Variants in DLC1 observed in about 807,000 individuals in gnomAD.
DLC1 encodes rho GTPase-activating protein 7.
Under a neutral mutation model 140.3 loss-of-function variants are expected in DLC1, and 54 were observed. The observed-to-expected ratio is 0.38, with a 90% CI of 0.31 to 0.48. The LOEUF (loss-of-function observed/expected upper bound fraction) is 0.48. DLC1 is among the 20% of genes least tolerant of loss of function. The pLI, the probability that DLC1 is intolerant of heterozygous loss-of-function variation, is 0.96. For missense variants in DLC1, 2,536 were observed against 1,907.0 expected (o/e 1.33, Z -6.14); for synonymous variants, 986 against 728.1 (o/e 1.35, Z -5.70).
chr8:13,593,023 T>C (rs999233041), intron 1 of DLC1, among the ~76,000 whole-genome samples: 6 of 152,130 alleles, frequency 3.9e-5, no homozygotes, highest in African/African-American at 1.4e-4. Flanking sequence ...TTAAGGAGTT[T>C]AGCTTTGGCG....
intron 2 of DLC1, among the ~76,000 whole-genome samples, chr8:13,421,263 A>G (rs1024194765): frequency 1.3e-5 from 2 of 152,112 alleles, no homozygotes; most frequent in African/African-American, 2.4e-5. Context: ...TGCATATATT[A>G]TCTCCTCAAG....
intron 5 of DLC1, among the ~76,000 whole-genome samples, chr8:13,192,316 G>A (rs1201369773): frequency 6.6e-6 from 1 of 152,014 alleles, no homozygotes; most frequent in Admixed American, 6.6e-5. Context: ...TGCAATTTTG[G>A]GTGATGCCCT....
chr8:13,428,203 C>A (rs1374178637), intron 2 of DLC1, among the ~76,000 whole-genome samples: 1 of 152,174 alleles, frequency 6.6e-6, no homozygotes, highest in Non-Finnish European at 1.5e-5. Flanking sequence ...GGTACCTTCA[C>A]TGGGTCCACA....
At chr8:13,171,642 C>T (rs1478246928) in intron 5 of DLC1, among the ~76,000 whole-genome samples, 4 of 152,212 alleles carry the variant, frequency 2.6e-5, no homozygotes, top group African/African-American at 9.6e-5. Context: ...CCCTCCTCGA[C>T]CTCCCAAAGT....
At chr8:13,398,242 G>C (rs911335253) in intron 3 of DLC1, among the ~76,000 whole-genome samples, 2 of 151,918 alleles carry the variant, frequency 1.3e-5, no homozygotes, top group South Asian at 2.1e-4. Context: ...GGATGAGCTA[G>C]AGCAATTCCA....
At chr8:13,263,744 A>G (rs1347326198) in intron 5 of DLC1, among the ~76,000 whole-genome samples, 3 of 151,580 alleles carry the variant, frequency 2.0e-5, no homozygotes, top group African/African-American at 7.2e-5. Context: ...CCACTTTTAC[A>G]GCATTTGAAA....
chr8:13,360,397 G>A (rs898067739), intron 4 of DLC1, among the ~76,000 whole-genome samples: 4 of 152,184 alleles, frequency 2.6e-5, no homozygotes, highest in African/African-American at 4.8e-5. Flanking sequence ...AGCCCCCCAC[G>A]AGATTATCAC....
intron 4 of DLC1, among the ~76,000 whole-genome samples, chr8:13,380,066 T>C (rs1420297113): frequency 6.6e-6 from 1 of 152,128 alleles, no homozygotes; most frequent in Non-Finnish European, 1.5e-5. Flanking sequence ...GCACCATTCA[T>C]TCCTTGTCAT....
intron 5 of DLC1, among the ~76,000 whole-genome samples, chr8:13,268,805 G>C (rs1361918532): frequency 6.6e-6 from 1 of 151,274 alleles, no homozygotes; most frequent in Non-Finnish European, 1.5e-5. Flanking sequence ...GTATCTTCAG[G>C]TAAATTTAAA....
intron 4 of DLC1, among the ~76,000 whole-genome samples, chr8:13,331,917 C>A (rs1326169093): frequency 6.6e-6 from 1 of 152,110 alleles, no homozygotes; most frequent in African/African-American, 2.4e-5. Context: ...TTCCTAGACG[C>A]TTTCTTGACA....
intron 1 of DLC1, among the ~76,000 whole-genome samples, chr8:13,549,676 G>T (rs555322811): frequency 6.6e-6 from 1 of 152,244 alleles, no homozygotes; most frequent in South Asian, 2.1e-4. Flanking sequence ...AGAACAGGTT[G>T]ATTGAAATAG....
At chr8:13,173,063 G>T (rs1167942495) in intron 5 of DLC1, among the ~76,000 whole-genome samples, 4 of 152,138 alleles carry the variant, frequency 2.6e-5, no homozygotes, top group Admixed American at 2.6e-4. Flanking sequence ...GAAATTTCTT[G>T]AATCAGAGTG....
At chr8:13,140,913 T>C (rs544983700) in intron 5 of DLC1, among the ~76,000 whole-genome samples, 16 of 152,254 alleles carry the variant, frequency 1.1e-4, no homozygotes, top group Middle Eastern at 3.4e-3. Context: ...TTTTTCTCTC[T>C]CCCCTAGTAT....
chr8:13,321,436 G>A (rs553363462), intron 4 of DLC1, among the ~76,000 whole-genome samples: 3 of 147,828 alleles, frequency 2.0e-5, no homozygotes, highest in Non-Finnish European at 4.5e-5. Flanking sequence ...TACTTGGGAG[G>A]CTGAGGCAGG....
At chr8:13,545,075 A>T (rs1191460955) in intron 1 of DLC1, among the ~76,000 whole-genome samples, 1 of 152,168 alleles carries the variant, frequency 6.6e-6, no homozygotes, top group Non-Finnish European at 1.5e-5. Flanking sequence ...ATAGGCACAT[A>T]GTAGGCATTT....
At chr8:13,444,581 T>TA (rs1169526313) in intron 2 of DLC1, among the ~76,000 whole-genome samples, 2 of 152,196 alleles carry the variant, frequency 1.3e-5, no homozygotes, top group African/African-American at 4.8e-5. Context: ...AGTATAATTT[T>TA]AAAAAATCTT....
At chr8:13,581,567 G>C (rs1340169701) in intron 1 of DLC1, among the ~76,000 whole-genome samples, 1 of 152,188 alleles carries the variant, frequency 6.6e-6, no homozygotes, top group African/African-American at 2.4e-5. Context: ...CCATTTAAAG[G>C]TCTTTATATC....
At chr8:13,211,940 A>T (rs986173022) in intron 5 of DLC1, among the ~76,000 whole-genome samples, 2 of 152,200 alleles carry the variant, frequency 1.3e-5, no homozygotes, top group African/African-American at 2.4e-5. Flanking sequence ...CACAACTCCT[A>T]TGTCAAATGT....
At chr8:13,587,445 G>A (rs553271338) in intron 1 of DLC1, among the ~76,000 whole-genome samples, 2 of 151,656 alleles carry the variant, frequency 1.3e-5, no homozygotes, top group South Asian at 2.1e-4. Context: ...TGCATTACAT[G>A]TACGATTCTC....
Sources: allele counts gnomAD v4.1 joint callset (sites outside exome capture counted in the v4.1 genomes callset), GRCh38; gene constraint gnomAD v4.1.1; transcripts MANE v1.5; gene names NCBI Gene and HGNC (gene_info 2026-07-23, HGNC 2026-07-21).